TBC1D19: variants seen among roughly 807,000 people sequenced by gnomAD.
TBC1D19 encodes the protein TBC1 domain family, member 19.
TBC1D19 carries 60 observed loss-of-function variants against 89.0 expected under a neutral mutation model. That is an observed-to-expected ratio of 0.67 (90% CI 0.55 to 0.84). The LOEUF is 0.84. Ranked by LOEUF, TBC1D19 falls within the 40% of genes least tolerant of loss-of-function variation. The pLI is 0.00. For missense variants in TBC1D19, 500 were observed against 610.8 expected, an observed-to-expected ratio of 0.82 and a Z score of 1.91; for synonymous variants, 189 against 199.7, an observed-to-expected ratio of 0.95 and a Z score of 0.45.
At chr4:26,756,347 G>A (rs1302789169), downstream of TBC1D19, among the ~76,000 whole-genome samples, 1 of 152,180 alleles carries the variant, frequency 6.6e-6, no homozygotes, top group Non-Finnish European at 1.5e-5. Context: ...AAGAGAGTGA[G>A]TTTTAAATGA....
the TBC1D19 span, among the ~76,000 whole-genome samples, chr4:26,848,101 A>G: frequency 6.6e-6 from 1 of 152,236 alleles, no homozygotes; most frequent in Non-Finnish European, 1.5e-5. Context: ...CTGGGCCACA[A>G]GGTGCCCAGA....
chr4:26,638,778 T>G lies in TBC1D19; in HGVS notation c.377T>G (p.Val126Gly), dbSNP rs777960715. 6.2e-7 allele frequency: 1 copy of G among 1,610,340 alleles called. No individual in the cohort carries two copies. Among genetic ancestry groups the G allele is most frequent in the African/African-American group, 1.3e-5 (1 of 74,760 alleles). Reference protein sequence around the residue: ...LSIPLARKRPVGEQKELLNKW... With the variant: ...LSIPLARKRPGGEQKELLNKW... Reference sequence around the variant, plus strand: ...CAAAATTACCTTTTCCAGAGGCCAGTTGGAGAACAGAAAGAACTTCTTAAT... The same window carrying G: ...CAAAATTACCTTTTCCAGAGGCCAGGTGGAGAACAGAAAGAACTTCTTAAT... Residue 126 changes from valine (V) to glycine (G), a missense_variant, in exon 6 of 21, where the codon GTT (valine) becomes GGT (glycine). Val to Gly is a moderately radical substitution (Grantham distance 109). Around this residue, in one of 2 missense-constraint regions of TBC1D19, gnomAD observed 280 missense variants for 291.7 expected, o/e 0.96. Transcript: ENST00000264866.
the TBC1D19 span, among the ~76,000 whole-genome samples, chr4:26,801,102 C>T: frequency 5.3e-5 from 8 of 152,112 alleles, no homozygotes; most frequent in Admixed American, 5.2e-4. Context: ...TCCTGAATGG[C>T]ATTGCCTAGG....
At chr4:26,830,055 C>A in the TBC1D19 span, among the ~76,000 whole-genome samples, 3 of 152,086 alleles carry the variant, frequency 2.0e-5, no homozygotes, top group Non-Finnish European at 4.4e-5. Flanking sequence ...TCCATTCCAT[C>A]GGGTTATGGT....
At chr4:26,837,854 C>T in the TBC1D19 span, among the ~76,000 whole-genome samples, 3 of 152,056 alleles carry the variant, frequency 2.0e-5, no homozygotes, top group African/African-American at 7.2e-5. Context: ...GTATTGATAG[C>T]AGGAGGACCA....
intron 13 of TBC1D19, among the ~76,000 whole-genome samples, chr4:26,706,483 G>T (rs1345456441): frequency 6.6e-6 from 1 of 151,918 alleles, no homozygotes; most frequent in African/African-American, 2.4e-5. Flanking sequence ...AGCCAACTTT[G>T]GTTTCAGTTA....
the TBC1D19 span, among the ~76,000 whole-genome samples, chr4:26,765,036 A>G: frequency 2.6e-5 from 4 of 152,304 alleles, no homozygotes; most frequent in East Asian, 1.9e-4. Context: ...ATGAGAGTAC[A>G]TGTTGAAGCC....
At chr4:26,853,699 G>A in the TBC1D19 span, among the ~76,000 whole-genome samples, 1 of 152,048 alleles carries the variant, frequency 6.6e-6, no homozygotes, top group African/African-American at 2.4e-5. Flanking sequence ...CACCATGCCT[G>A]GCTAATTTTT....
intron 16 of TBC1D19, among the ~76,000 whole-genome samples, chr4:26,738,764 A>G (rs1718184771): frequency 6.6e-6 from 1 of 152,100 alleles, no homozygotes; most frequent in Non-Finnish European, 1.5e-5. Flanking sequence ...TTAATGACTT[A>G]TTTATCAGTA....
chr4:26,741,362 C>CAA (rs34342483), intron 17 of TBC1D19, among the ~76,000 whole-genome samples: 58 of 73,444 alleles, frequency 7.9e-4, no homozygotes, highest in Middle Eastern at 0.015. Context: ...GACTCTGTCT[C>CAA]AAAAAAAAAA....
intron 13 of TBC1D19, among the ~76,000 whole-genome samples, chr4:26,698,615 C>T (rs1472734148): frequency 1.3e-5 from 2 of 152,200 alleles, no homozygotes; most frequent in African/African-American, 2.4e-5. Context: ...TCAAACTACA[C>T]TACAAGGCTA....
the TBC1D19 span, among the ~76,000 whole-genome samples, chr4:26,797,972 G>A: frequency 3.9e-5 from 6 of 152,128 alleles, no homozygotes; most frequent in Non-Finnish European, 7.4e-5. Context: ...AACTCTTCTG[G>A]ACATTGGCCT....
At chr4:26,646,998 A>G (rs879643997) in intron 7 of TBC1D19, among the ~76,000 whole-genome samples, 5 of 152,198 alleles carry the variant, frequency 3.3e-5, no homozygotes, top group Non-Finnish European at 4.4e-5. Flanking sequence ...GCACATATAC[A>G]TACTCAGGAA....
chr4:26,620,413 A>G (rs1019591461), intron 3 of TBC1D19, among the ~76,000 whole-genome samples, 200 bp from the exon 4 acceptor site: 7 of 152,228 alleles, frequency 4.6e-5, no homozygotes, highest in Admixed American at 3.3e-4. Flanking sequence ...TGTTATCTCA[A>G]TCACCACCTT....
chr4:26,577,331 TCTC>T (rs1577736474), intron 1 of TBC1D19, among the ~76,000 whole-genome samples: 2 of 151,822 alleles, frequency 1.3e-5, no homozygotes, highest in South Asian at 4.2e-4. Flanking sequence ...GTGTGTGTAT[TCTC>T]CTATTTGTTG....
upstream of TBC1D19, among the ~76,000 whole-genome samples, chr4:26,581,620 G>A (rs1293706798): frequency 3.3e-5 from 5 of 152,146 alleles, no homozygotes; most frequent in Admixed American, 1.3e-4. Context: ...GCCAAATTCC[G>A]CCTTGTGGGA....
intron 4 of TBC1D19, among the ~76,000 whole-genome samples, chr4:26,629,665 A>G (rs993185892): frequency 6.6e-6 from 1 of 152,050 alleles, no homozygotes; most frequent in African/African-American, 2.4e-5. Context: ...AAAAGAATCT[A>G]AATGAATAAC....
At chr4:26,773,418 C>T in the TBC1D19 span, among the ~76,000 whole-genome samples, 1 of 152,252 alleles carries the variant, frequency 6.6e-6, no homozygotes, top group African/African-American at 2.4e-5. Flanking sequence ...TGTAGGATGT[C>T]TGTTCACTTT....
At chr4:26,818,998 C>T in the TBC1D19 span, among the ~76,000 whole-genome samples, 1 of 152,194 alleles carries the variant, frequency 6.6e-6, no homozygotes, top group African/African-American at 2.4e-5. Context: ...CAAACACTGT[C>T]TATGCTTCTG....
Sources: gnomAD v4.1 joint callset for allele counts (sites outside exome capture counted in the v4.1 genomes callset) on GRCh38, gnomAD v4.1.1 for gene constraint, gnomAD v4.1.1 regional missense constraint, MANE v1.5 for transcripts, NCBI Gene and HGNC (gene_info 2026-07-23, HGNC 2026-07-21) for gene names.